The following ZGRF1 variants were observed in gnomAD, a reference collection of about 807,000 sequenced individuals.
ZGRF1 encodes the protein 5'-3' DNA helicase ZGRF1.
ZGRF1 carries 196 observed loss-of-function variants against 203.5 expected under a neutral mutation model. The observed-to-expected ratio is 0.96, with a 90% CI of 0.86 to 1.08. ZGRF1 has a LOEUF of 1.08. Among genes scored for constraint, ZGRF1 ranks in the 50% least tolerant of loss-of-function variants. The pLI, the probability that ZGRF1 is intolerant of heterozygous loss-of-function variation, is 0.00. For synonymous variants in ZGRF1, 809 were observed against 841.3 expected (o/e 0.96, Z 0.66); for missense variants, 2,326 against 2,416.3 (o/e 0.96, Z 0.78).
intron 10 of ZGRF1, among the ~76,000 whole-genome samples, chr4:112,600,404 T>G (rs1426325575): frequency 6.6e-6 from 1 of 152,108 alleles, no homozygotes. Context: ...TTAAAAATGA[T>G]AAACTAGGGC....
At chr4:112,549,672 C>T (rs1193979116) in intron 22 of ZGRF1, among the ~76,000 whole-genome samples, 1 of 152,064 alleles carries the variant, frequency 6.6e-6, no homozygotes, top group Non-Finnish European at 1.5e-5. Context: ...ATAGCACATA[C>T]AGTTACGTAC....
chr4:112,586,470 CT>C lies in ZGRF1; in HGVS notation c.3890del (p.Lys1297SerfsTer9). ...CTATGAGGCAAGATGTGAAAGTCTG[CT>C]TATAATGAGCAGGAGACTGAAAAAC... The part of the protein sequence containing the change: ...PAVFQSPAHY[K>X]QTFTSCLIEH... On this transcript the variant is annotated frameshift_variant, in exon 13 of 28. Transcript: ENST00000505019. LOFTEE classifies it high-confidence loss of function. 3.1e-6 allele frequency: 5 copies of C among 1,611,414 alleles called. No individual in the cohort carries two copies. The highest frequency in any genetic ancestry group is 2.5e-6 in the Non-Finnish European group (3 of 1,178,622).
At chr4:112,558,067 T>C (rs1431252024) in intron 20 of ZGRF1, 83 bp downstream of exon 20, 10 of 1,108,786 alleles carry the variant, frequency 9.0e-6, no homozygotes, top group East Asian at 2.6e-5. Context: ...CAAGAGTACA[T>C]GGACACTCAG....
intron 9 of ZGRF1, 70 bp from the exon 10 acceptor site, chr4:112,603,767 C>A: frequency 8.5e-7 from 1 of 1,176,396 alleles, no homozygotes; most frequent in Non-Finnish European, 1.2e-6. Context: ...AAAGTAAACA[C>A]ACAGAATACA....
At chr4:112,586,389 T>C (rs962529834) in intron 13 of ZGRF1, 56 bp downstream of exon 13, 14 of 1,363,182 alleles carry the variant, frequency 1.0e-5, no homozygotes, top group Non-Finnish European at 1.4e-5. Flanking sequence ...ATTCTCACAA[T>C]TTTACTACTT....
chr4:112,591,475 A>C (rs1748149155), intron 10 of ZGRF1, among the ~76,000 whole-genome samples: 1 of 152,138 alleles, frequency 6.6e-6, no homozygotes, highest in Non-Finnish European at 1.5e-5. Context: ...CCTCTGATCA[A>C]AACCCTCCAA....
At chr4:112,565,180 T>C in intron 16 of ZGRF1, 1 of 1,520,432 alleles carries the variant, frequency 6.6e-7, no homozygotes, top group East Asian at 2.2e-5. Flanking sequence ...TCTGATTCGC[T>C]AACTTCCCTT....
intron 24 of ZGRF1, among the ~76,000 whole-genome samples, chr4:112,542,937 C>T (rs1737974802): frequency 6.6e-6 from 1 of 152,276 alleles, no homozygotes; most frequent in Non-Finnish European, 1.5e-5. Flanking sequence ...GACCCTCCCA[C>T]CTCAGCCTCC....
chr4:112,544,342 A>G (rs1422824430), intron 24 of ZGRF1, among the ~76,000 whole-genome samples: 1 of 152,226 alleles, frequency 6.6e-6, no homozygotes, highest in Non-Finnish European at 1.5e-5. Context: ...AAAGATTTAC[A>G]GCCAACCCAA....
chr4:112,539,394 T>A lies in ZGRF1; in HGVS notation c.*153A>T, dbSNP rs1737090620. ...GGATTTTATACTACCTTTTGTACAC[T>A]TTTTTGAAGAACAAAATTTTTACAT... On this transcript the variant is annotated 3_prime_UTR_variant, in exon 28 of 28. Transcript: ENST00000505019. The A allele has an allele frequency of 2.1e-6, 1 of 470,654 alleles. No individual in the cohort carries two copies. The highest frequency in any genetic ancestry group is 3.6e-6 in the Non-Finnish European group (1 of 278,112). The allele number at this position is 470,654 out of a possible 1,614,324, so 29.2% of individuals were successfully genotyped here.
Position 112,560,751 on chromosome 4 carries a change from G to A in ZGRF1, c.4942C>T (p.Pro1648Ser), listed in dbSNP as rs748597291. 22 of 1,589,116 alleles carry A rather than the reference G, an allele frequency of 1.4e-5. No individual in the cohort carries two copies. Among genetic ancestry groups the A allele is most frequent in the Non-Finnish European group, 1.6e-5 (19 of 1,161,764 alleles). ...TTCTTACCATGTATGATTGTGATAG[G>A]GAAGGTATGAGTTTGCAGTTCCTTC... ...EVKELQTHTF[P>S]ITIIHGVFGA... The change falls in exon 19 of 28, where the codon CCT becomes TCT. Residue 1648 changes from proline to serine, a missense_variant. Coordinates refer to ENST00000505019, the MANE Select transcript of ZGRF1 (RefSeq NM_018392.5).
chr4:112,616,893 T>C (rs898588516), intron 6 of ZGRF1, among the ~76,000 whole-genome samples: 1 of 151,326 alleles, frequency 6.6e-6, no homozygotes, highest in Non-Finnish European at 1.5e-5. Flanking sequence ...AACTCTGTGG[T>C]ATAGGATTGG....
In ZGRF1 at chr4:112,558,288, CTCTT is replaced by C; in HGVS notation, c.4978_4981del (p.Lys1660ValfsTer7). 6.4e-7 allele frequency: 1 copy of C among 1,567,104 alleles called. No individual in the cohort carries two copies. Among genetic ancestry groups the C allele is most frequent in the Non-Finnish European group, 8.6e-7 (1 of 1,163,696 alleles). On this transcript the variant is annotated frameshift_variant, in exon 20 of 28. Transcript: ENST00000505019. LOFTEE classifies it high-confidence loss of function. ...CAAAATCACCACTGCCAGCAAGTAA[CTCTT>C]TCCTGCTCCAAACACACCTAATTAT... is the stretch of plus-strand genomic sequence containing the variant.
chr4:112,590,924 CAA>C (rs550984359), intron 10 of ZGRF1, among the ~76,000 whole-genome samples: 28 of 64,602 alleles, frequency 4.3e-4, no homozygotes, highest in East Asian at 1.8e-3. Context: ...GACTCCTTCT[CAA>C]AAAAAAAAAA....
intron 16 of ZGRF1, among the ~76,000 whole-genome samples, chr4:112,565,927 A>G (rs1337830368): frequency 6.6e-6 from 1 of 152,230 alleles, no homozygotes; most frequent in Non-Finnish European, 1.5e-5. Context: ...ACCCTGTGGA[A>G]GTCAGTGTGG....
chr4:112,575,090 C>T (rs1206244874), intron 16 of ZGRF1, among the ~76,000 whole-genome samples: 1 of 149,872 alleles, frequency 6.7e-6, no homozygotes, highest in Non-Finnish European at 1.5e-5. Context: ...TCCAAATATA[C>T]AAAATTTGGG....
intron 8 of ZGRF1, among the ~76,000 whole-genome samples, chr4:112,609,050 T>C (rs1393991597): frequency 1.3e-5 from 2 of 152,048 alleles, no homozygotes; most frequent in Admixed American, 6.6e-5. Flanking sequence ...ACAAATATAA[T>C]TGGCTAATTT....
intron 10 of ZGRF1, among the ~76,000 whole-genome samples, chr4:112,592,405 C>G (rs1223541200): frequency 6.6e-6 from 1 of 152,018 alleles, no homozygotes. Context: ...GCCTCATTCA[C>G]TTTTTAAATG....
chr4:112,588,959 T>C (rs1177240165), intron 11 of ZGRF1, among the ~76,000 whole-genome samples: 1 of 152,212 alleles, frequency 6.6e-6, no homozygotes, highest in Non-Finnish European at 1.5e-5. Context: ...TTTTCTTGAA[T>C]ACCCACTCCG....
Sources: gnomAD v4.1 joint callset for allele counts (sites outside exome capture counted in the v4.1 genomes callset) on GRCh38, gnomAD v4.1.1 for gene constraint, MANE v1.5 for transcripts, NCBI Gene and HGNC (gene_info 2026-07-23, HGNC 2026-07-21) for gene names.